Variants in EDIL3 observed in about 807,000 individuals in gnomAD.
EDIL3 encodes the protein EGF-like repeat and discoidin I-like domain-containing protein 3.
A neutral mutation model predicts 67.4 loss-of-function variants in EDIL3; 37 were observed. That is an observed-to-expected ratio of 0.55 (90% CI 0.42 to 0.72). The LOEUF is 0.72. Among genes scored for constraint, EDIL3 ranks in the 30% least tolerant of loss-of-function variants. The pLI is 0.00. For missense variants in EDIL3, 527 were observed against 586.3 expected (o/e 0.90, Z 1.04); for synonymous variants, 195 against 196.3 (o/e 0.99, Z 0.05).
chr5:84,155,922 G>A (rs1169861150), intron 4 of EDIL3, among the ~76,000 whole-genome samples: 3 of 152,078 alleles, frequency 2.0e-5, no homozygotes, highest in African/African-American at 7.2e-5. Context: ...CTACTTACAC[G>A]AATGAAAGAC....
chr5:84,270,158 T>C (rs917811386), intron 1 of EDIL3, among the ~76,000 whole-genome samples: 1 of 152,212 alleles, frequency 6.6e-6, no homozygotes, highest in African/African-American at 2.4e-5. Flanking sequence ...TATGCACTGA[T>C]TTTTTATAAT....
chr5:84,351,811 C>T (rs1739687219), intron 1 of EDIL3, among the ~76,000 whole-genome samples: 1 of 151,836 alleles, frequency 6.6e-6, no homozygotes, highest in South Asian at 2.1e-4. Flanking sequence ...AACTAAAAAG[C>T]TTCTGCATAC....
At chr5:84,201,140 T>C (rs1200890067) in intron 3 of EDIL3, among the ~76,000 whole-genome samples, 2 of 152,066 alleles carry the variant, frequency 1.3e-5, no homozygotes, top group Non-Finnish European at 2.9e-5. Context: ...CTTGAGTCTT[T>C]TGGAGAAAGC....
intron 1 of EDIL3, among the ~76,000 whole-genome samples, chr5:84,303,866 G>A (rs930477936): frequency 2.0e-5 from 3 of 149,542 alleles, no homozygotes; most frequent in East Asian, 2.0e-4. Context: ...GTGTGTGTGT[G>A]TGCATGCATG....
At chr5:84,026,139 C>A (rs1465260709) in intron 9 of EDIL3, among the ~76,000 whole-genome samples, 1 of 152,186 alleles carries the variant, frequency 6.6e-6, no homozygotes, top group Non-Finnish European at 1.5e-5. Flanking sequence ...CCAAGATGAT[C>A]TCACTAAAGG....
intron 5 of EDIL3, among the ~76,000 whole-genome samples, chr5:84,125,058 G>C (rs570061715): frequency 4.6e-5 from 7 of 152,010 alleles, no homozygotes; most frequent in African/African-American, 1.7e-4. Flanking sequence ...TAAAAACAGA[G>C]AGAAGCAAAA....
At chr5:84,103,524 AAAAC>A (rs141004871) in intron 6 of EDIL3, among the ~76,000 whole-genome samples, 2,425 of 152,188 alleles carry the variant, frequency 0.016, 56 homozygotes, top group African/African-American at 0.056. Context: ...TTCAAGAAAA[AAAAC>A]AAACAACTTC....
At chr5:83,980,168 T>C (rs981328390) in intron 9 of EDIL3, among the ~76,000 whole-genome samples, 1 of 152,078 alleles carries the variant, frequency 6.6e-6, no homozygotes, top group African/African-American at 2.4e-5. Flanking sequence ...CTATTTTCCT[T>C]TCTTTAGTTC....
intron 1 of EDIL3, among the ~76,000 whole-genome samples, chr5:84,343,736 C>G (rs1417558820): frequency 6.6e-6 from 1 of 152,042 alleles, no homozygotes; most frequent in African/African-American, 2.4e-5. Context: ...TCTCTGTGGA[C>G]TCTGGTTTCA....
At chr5:84,125,295 T>A (rs1417689749) in intron 5 of EDIL3, among the ~76,000 whole-genome samples, 1 of 152,068 alleles carries the variant, frequency 6.6e-6, no homozygotes, top group Non-Finnish European at 1.5e-5. Context: ...TCAGGGATCA[T>A]GTGTCAATTA....
At chr5:84,248,481 A>G (rs566996963) in intron 2 of EDIL3, among the ~76,000 whole-genome samples, 1 of 152,168 alleles carries the variant, frequency 6.6e-6, no homozygotes, top group East Asian at 1.9e-4. Flanking sequence ...TAATTCCTCT[A>G]TTCTTTCCCA....
chr5:84,012,930 C>A (rs1745541390), intron 9 of EDIL3, among the ~76,000 whole-genome samples: 1 of 151,976 alleles, frequency 6.6e-6, no homozygotes, highest in South Asian at 2.1e-4. Flanking sequence ...GGTATATTAT[C>A]ATTTATATGA....
At chr5:84,228,122 C>T (rs1580387053) in intron 3 of EDIL3, among the ~76,000 whole-genome samples, 2 of 151,950 alleles carry the variant, frequency 1.3e-5, no homozygotes, top group African/African-American at 4.8e-5. Flanking sequence ...GTGGAGTGTT[C>T]AATAGCCCAT....
At chr5:84,040,966 T>A (rs1032585496) in intron 9 of EDIL3, among the ~76,000 whole-genome samples, 5 of 151,872 alleles carry the variant, frequency 3.3e-5, no homozygotes, top group Non-Finnish European at 2.9e-5. Context: ...ACCCTATCTC[T>A]ACAAAAATAC....
intron 1 of EDIL3, among the ~76,000 whole-genome samples, chr5:84,345,594 T>TAA (rs1747220414): frequency 6.6e-6 from 1 of 152,262 alleles, no homozygotes; most frequent in South Asian, 2.1e-4. Context: ...ATGTCACAAT[T>TAA]AATTGCTCCC....
chr5:84,008,786 T>G (rs2112177872), intron 9 of EDIL3, among the ~76,000 whole-genome samples: 1 of 152,040 alleles, frequency 6.6e-6, no homozygotes, highest in South Asian at 2.1e-4. Context: ...AGAGGGAATA[T>G]CTTAAGGATT....
At chr5:84,381,058 C>T (rs1748066388) in intron 1 of EDIL3, among the ~76,000 whole-genome samples, 1 of 151,924 alleles carries the variant, frequency 6.6e-6, no homozygotes, top group Non-Finnish European at 1.5e-5. Flanking sequence ...ATACATTTGC[C>T]TACTTTTGAA....
At chr5:84,377,911 A>G (rs1467841262) in intron 1 of EDIL3, among the ~76,000 whole-genome samples, 1 of 152,230 alleles carries the variant, frequency 6.6e-6, no homozygotes, top group Non-Finnish European at 1.5e-5. Flanking sequence ...CTCCATTCTA[A>G]GTCACACACT....
intron 1 of EDIL3, among the ~76,000 whole-genome samples, chr5:84,380,399 A>G (rs1748051510): frequency 6.6e-6 from 1 of 152,106 alleles, no homozygotes; most frequent in Admixed American, 6.5e-5. Context: ...ATGATTAACT[A>G]TGACAGAAGC....
Sources: gnomAD v4.1 joint callset for allele counts (sites outside exome capture counted in the v4.1 genomes callset) on GRCh38, gnomAD v4.1.1 for gene constraint, MANE v1.5 for transcripts, NCBI Gene and HGNC (gene_info 2026-07-23, HGNC 2026-07-21) for gene names.